Variants in PXDNL observed in about 807,000 individuals in gnomAD.
PXDNL encodes the protein probable oxidoreductase PXDNL.
Under a neutral mutation model 150.8 loss-of-function variants are expected in PXDNL, and 145 were observed. That is an observed-to-expected ratio of 0.96 (90% CI 0.84 to 1.10). PXDNL has a LOEUF of 1.10. Ranked by LOEUF, PXDNL falls within the 50% of genes least tolerant of loss-of-function variation. PXDNL has a pLI of 0.00. For missense variants in PXDNL, 2,087 were observed against 1,873.9 expected, an observed-to-expected ratio of 1.11 and a Z score of -2.10; for synonymous variants, 757 against 725.7, an observed-to-expected ratio of 1.04 and a Z score of -0.69.
intron 2 of PXDNL, among the ~76,000 whole-genome samples, chr8:51,597,751 G>A (rs1309619971): frequency 6.8e-6 from 1 of 146,442 alleles, no homozygotes; most frequent in East Asian, 2.0e-4. Flanking sequence ...TTTCACTCTT[G>A]TTGCCCAGGC....
At chr8:51,543,568 C>G (rs1054521295) in intron 4 of PXDNL, among the ~76,000 whole-genome samples, 1 of 151,686 alleles carries the variant, frequency 6.6e-6, no homozygotes, top group African/African-American at 2.4e-5. Context: ...AAAAATTTGC[C>G]GGGCATGGTG....
Position 51,586,461 on chromosome 8 carries a change from A to C in PXDNL, c.308+6166T>G, listed in dbSNP as rs372935894. Among the ~76,000 whole-genome samples the C allele has an allele frequency of 3.3e-5, 5 of 152,290 alleles. No individual in the cohort carries two copies. In the East Asian group the frequency reaches 9.7e-4, roughly 29 times the overall value. ...ATTCTGCAGTGGTTTGTTTCACAGCAAAAGCTGAGAGAGTGGACAAGAAAC... is the reference window on the plus strand; with the variant it reads ...ATTCTGCAGTGGTTTGTTTCACAGCCAAAGCTGAGAGAGTGGACAAGAAAC... On this transcript the variant is annotated intron_variant, in intron 3 of 22. Transcript: ENST00000356297.
At chr8:51,518,696 T>C (rs571086676) in intron 4 of PXDNL, among the ~76,000 whole-genome samples, 2 of 152,292 alleles carry the variant, frequency 1.3e-5, no homozygotes, top group Admixed American at 1.3e-4. Flanking sequence ...CAGGTTAGAT[T>C]ACACTGCACC....
chr8:51,799,037 C>G (rs763474577), intron 1 of PXDNL, among the ~76,000 whole-genome samples: 3 of 152,192 alleles, frequency 2.0e-5, no homozygotes, highest in Non-Finnish European at 4.4e-5. Flanking sequence ...TACATATACA[C>G]CATGGAATAC....
intron 17 of PXDNL, among the ~76,000 whole-genome samples, chr8:51,375,263 G>T (rs1015959013): frequency 1.3e-5 from 2 of 152,162 alleles, no homozygotes; most frequent in African/African-American, 4.8e-5. Context: ...CCTAAGATTT[G>T]AAGCAATTTT....
chr8:51,433,164 G>A (rs775289262), intron 12 of PXDNL, among the ~76,000 whole-genome samples: 7 of 151,090 alleles, frequency 4.6e-5, no homozygotes, highest in African/African-American at 7.3e-5. Flanking sequence ...AGCGGAGGTC[G>A]CACCACAGCA....
chr8:51,733,395 AC>A lies in PXDNL; in HGVS notation c.164+75785del, dbSNP rs1239299059. Among the ~76,000 whole-genome samples the A allele has an allele frequency of 3.3e-5, 5 of 152,046 alleles. No individual in the cohort carries two copies. The East Asian group carries it at 5.8e-4, about 18-fold the overall frequency. The stretch of plus-strand genomic sequence containing the variant: ...GTAGAACAAAGTAAAAGATTTGCAC[AC>A]CCTATGTTTTAGTTTCTTATAAAAC... On this transcript the variant is annotated intron_variant, in intron 1 of 22. Coordinates refer to ENST00000356297, the MANE Select transcript of PXDNL (RefSeq NM_144651.5).
rs949535537 is a variant in PXDNL at position 51,556,765 on chromosome 8, C to T, written c.380+75G>A. 12 of 784,728 alleles carry T rather than the reference C, an allele frequency of 1.5e-5. No homozygotes were observed. The African/African-American group carries it at 1.9e-4, about 12-fold the overall frequency. 48.6% of individuals were successfully genotyped at this position (784,728 alleles called of 1,614,324 possible). On this transcript the variant is annotated intron_variant, in intron 4 of 22. Transcript: ENST00000356297. ...GCTTAAAATAATTGTTCAACTATCACATAATGGCATTTAAAAAGCTGTCTA... is the reference window on the plus strand; with the variant it reads ...GCTTAAAATAATTGTTCAACTATCATATAATGGCATTTAAAAAGCTGTCTA...
At chr8:51,692,545 A>G (rs1371425109) in intron 1 of PXDNL, among the ~76,000 whole-genome samples, 1 of 152,194 alleles carries the variant, frequency 6.6e-6, no homozygotes, top group Admixed American at 6.5e-5. Flanking sequence ...GAAATAAATC[A>G]AAAGGTCAAA....
chr8:51,793,923 A>G (rs1563323146), intron 1 of PXDNL, among the ~76,000 whole-genome samples: 1 of 152,036 alleles, frequency 6.6e-6, no homozygotes, highest in Non-Finnish European at 1.5e-5. Flanking sequence ...AGATGGAAAA[A>G]AAAGTTACAG....
At chr8:51,719,584 G>A (rs1816686887) in intron 1 of PXDNL, among the ~76,000 whole-genome samples, 2 of 149,978 alleles carry the variant, frequency 1.3e-5, no homozygotes, top group Non-Finnish European at 3.0e-5. Flanking sequence ...CTCCACTATT[G>A]TCCTATGACC....
intron 17 of PXDNL, among the ~76,000 whole-genome samples, chr8:51,393,396 C>T (rs1314831663): frequency 6.6e-6 from 1 of 152,208 alleles, no homozygotes; most frequent in Non-Finnish European, 1.5e-5. Flanking sequence ...GTACAAAAGG[C>T]TCCACAGTGA....
At chr8:51,422,190 C>T (rs945313706) in intron 14 of PXDNL, among the ~76,000 whole-genome samples, 1 of 152,026 alleles carries the variant, frequency 6.6e-6, no homozygotes, top group Non-Finnish European at 1.5e-5. Flanking sequence ...AAGGTCAGGG[C>T]TCCCACTGAT....
intron 21 of PXDNL, among the ~76,000 whole-genome samples, chr8:51,331,271 T>A (rs935848273): frequency 2.0e-5 from 3 of 152,220 alleles, no homozygotes; most frequent in African/African-American, 7.2e-5. Context: ...TGAGTTGAGT[T>A]AGAGAGCCAA....
chr8:51,605,512 A>G (rs1197463133), intron 2 of PXDNL, among the ~76,000 whole-genome samples: 1 of 151,920 alleles, frequency 6.6e-6, no homozygotes, highest in Non-Finnish European at 1.5e-5. Context: ...ATTCATTATT[A>G]AAAAGAAAAT....
At chr8:51,573,281 G>T (rs900322711) in intron 3 of PXDNL, among the ~76,000 whole-genome samples, 2 of 151,892 alleles carry the variant, frequency 1.3e-5, no homozygotes, top group Admixed American at 1.3e-4. Context: ...AAAGTAAGGA[G>T]CTGGAATTTT....
intron 1 of PXDNL, among the ~76,000 whole-genome samples, chr8:51,794,938 T>A (rs986761013): frequency 1.3e-5 from 2 of 152,030 alleles, no homozygotes; most frequent in African/African-American, 4.8e-5. Context: ...CAGATAGGCT[T>A]CAAATAAAGG....
At chr8:51,677,892 T>A (rs1815659654) in intron 1 of PXDNL, among the ~76,000 whole-genome samples, 1 of 152,210 alleles carries the variant, frequency 6.6e-6, no homozygotes, top group Non-Finnish European at 1.5e-5. Flanking sequence ...TAAGGATAGC[T>A]GGGTTCCAGC....
intron 14 of PXDNL, among the ~76,000 whole-genome samples, chr8:51,413,806 C>G (rs1364837970): frequency 6.6e-6 from 1 of 152,136 alleles, no homozygotes; most frequent in Non-Finnish European, 1.5e-5. Flanking sequence ...TACAGCTGAT[C>G]ATTTCCAGGC....
Sources: allele counts gnomAD v4.1 joint callset (sites outside exome capture counted in the v4.1 genomes callset), GRCh38; gene constraint gnomAD v4.1.1; transcripts MANE v1.5; gene names NCBI Gene and HGNC (gene_info 2026-07-23, HGNC 2026-07-21).